MMRN2: variants seen among roughly 807,000 people sequenced by gnomAD.
MMRN2 encodes the protein multimerin 2, also known as multimerin-2.
MMRN2 carries 53 observed loss-of-function variants against 68.8 expected under a neutral mutation model. The ratio of observed to expected loss-of-function variants is 0.77; its 90% CI spans 0.62 to 0.97. The LOEUF (loss-of-function observed/expected upper bound fraction) is 0.97. MMRN2 is among the 50% of genes least tolerant of loss of function. MMRN2 has a pLI of 0.00. For synonymous variants in MMRN2, 564 were observed against 551.6 expected (o/e 1.02, Z -0.32); for missense variants, 1,266 against 1,259.5 (o/e 1.01, Z -0.08).
In MMRN2 at chr10:86,943,346, C is replaced by T. The variant is rs1171699857; in HGVS notation, c.1438G>A (p.Gly480Ser). ...TACTTGATGAGGTCGGCATGGCCAC[C>T]CTGCAGGTGCTGCAGCGTGAGGTTG... is the stretch of plus-strand genomic sequence containing the variant. ...ELNLTLQHLQ[G>S]GHADLIKYVK... is the part of the protein sequence containing the mutation. Residue 480 changes from glycine (G) to serine (S), a missense_variant, in exon 6 of 7, where the codon GGT (glycine) becomes AGT (serine). Coordinates refer to ENST00000372027, the MANE Select transcript of MMRN2 (RefSeq NM_024756.3). The surrounding 1 kb of genome is among the most constrained non-coding windows in gnomAD (Gnocchi z 4.2). 4 of 1,613,864 alleles carry T rather than the reference C, an allele frequency of 2.5e-6. No individual in the cohort carries two copies. Among genetic ancestry groups the T allele is most frequent in the Non-Finnish European group, 3.4e-6 (4 of 1,180,014 alleles).
intron 1 of MMRN2, among the ~76,000 whole-genome samples, chr10:86,955,429 T>C (rs975461056): frequency 3.3e-5 from 5 of 152,098 alleles, no homozygotes; most frequent in African/African-American, 1.2e-4. Context: ...TCTGAGGACG[T>C]AGTGGTTCTA....
At chr10:86,945,115 AC>A in intron 4 of MMRN2, 72 bp downstream of exon 4, 1 of 1,360,150 alleles carries the variant, frequency 7.4e-7, no homozygotes, top group Non-Finnish European at 1.0e-6. Context: ...CTGCTGTATC[AC>A]AGGAAAAAGG....
intron 6 of MMRN2, 139 bp from the exon 7 acceptor site, chr10:86,937,264 A>G: frequency 1.1e-6 from 1 of 939,074 alleles, no homozygotes; most frequent in Non-Finnish European, 1.5e-6. Flanking sequence ...TATTCCCAAC[A>G]GCAGTGTTAT....
At position 86,936,367 on chromosome 10, in the gene MMRN2, A is replaced by C. The variant is rs1432407064; in HGVS notation, c.*376T>G. 2 of 440,434 alleles carry C rather than the reference A, an allele frequency of 4.5e-6. No homozygotes were observed. Among genetic ancestry groups the C allele is most frequent in the Non-Finnish European group, 8.0e-6 (2 of 250,898 alleles). The allele number at this position is 440,434 out of a possible 1,614,324, so 27.3% of individuals were successfully genotyped here. ...TACGATAAGGGAGAAGAGAAGAGGA[A>C]GCAAGAGAAAAGTTTAAAGTGTTGT... is the stretch of plus-strand genomic sequence containing the variant. On this transcript the variant is annotated 3_prime_UTR_variant, in exon 7 of 7. Coordinates refer to ENST00000372027, the MANE Select transcript of MMRN2 (RefSeq NM_024756.3).
At position 86,944,038 on chromosome 10, in the gene MMRN2, T is replaced by A; in HGVS notation, c.746A>T (p.Asn249Ile). 4 of 1,614,062 alleles carry A rather than the reference T, an allele frequency of 2.5e-6. No individual in the cohort carries two copies. In the East Asian group the frequency reaches 8.9e-5, roughly 36 times the overall value. Reference sequence around the variant, plus strand: ...CTGGGTAAGGCTGTGCAGGCTTTGGTTAAAGCTCCTCCAGATGGGGCTGAA... The same window carrying A: ...CTGGGTAAGGCTGTGCAGGCTTTGGATAAAGCTCCTCCAGATGGGGCTGAA... ...VHFSPIWRSF[N>I]QSLHSLTQAI... Residue 249 changes from asparagine to isoleucine, a missense_variant, in exon 6 of 7, where the codon AAC becomes ATC. Physicochemically the swap from Asn to Ile is moderately radical, Grantham distance 149. Transcript: ENST00000372027.
chr10:86,953,397 T>G (rs1844169800), intron 1 of MMRN2, among the ~76,000 whole-genome samples: 1 of 152,194 alleles, frequency 6.6e-6, no homozygotes, highest in African/African-American at 2.4e-5. Context: ...AGTATTAATT[T>G]TGGGAACTGA....
In MMRN2 at chr10:86,942,540, C is replaced by T; in HGVS notation, c.2244G>A (p.Gln748=). 1 of 1,613,630 alleles carries T rather than the reference C, an allele frequency of 6.2e-7. No individual in the cohort carries two copies. Among genetic ancestry groups the T allele is most frequent in the African/African-American group, 1.3e-5 (1 of 75,078 alleles). The part of the protein sequence containing the change: ...FATQRSLEQH[Q]RLFHSLFGNF... ...TCCCAAAGAGGCTGTGGAAGAGCCG[C>T]TGGTGCTGCTCCAAGCTGCGCTGAG... The change falls in exon 6 of 7, where the codon CAG becomes CAA. Residue 748 remains glutamine, a synonymous_variant. Coordinates refer to ENST00000372027, the MANE Select transcript of MMRN2 (RefSeq NM_024756.3).
chr10:86,946,110 C>G (rs1052670828), intron 1 of MMRN2, among the ~76,000 whole-genome samples: 1 of 152,268 alleles, frequency 6.6e-6, no homozygotes, highest in Non-Finnish European at 1.5e-5. Context: ...GCTGTTTCTC[C>G]TGCTACCAAC....
rs1464663498 is a variant in MMRN2 at position 86,940,460 on chromosome 10, G to A, written c.2467+1857C>T. On this transcript the variant is annotated intron_variant, in intron 6 of 6. Transcript: ENST00000372027. ...GAAACAAGAGAGAAGTGTCAGTGTC[G>A]GTGGACACAACCTGAACCCTGAAAA... Among the ~76,000 whole-genome samples, 5 of 152,164 alleles carry A rather than the reference G, an allele frequency of 3.3e-5. No individual in the cohort carries two copies. In the East Asian group the frequency reaches 5.8e-4, roughly 18 times the overall value.
chr10:86,942,377 C>A lies in MMRN2; in HGVS notation c.2407G>T (p.Val803Leu). ...KRDKKEAEPLVDIRVTGPVPG... is the reference protein window; with the variant it reads ...KRDKKEAEPLLDIRVTGPVPG... ...ACAGGCCCTGTGACCCGTATGTCCA[C>A]CAAAGGCTCCGCTTCCTTCTTGTCC... The change falls in exon 6 of 7, where the codon GTG becomes TTG. Residue 803 changes from valine to leucine, a missense_variant. Transcript: ENST00000372027. 6.2e-7 allele frequency: 1 copy of A among 1,614,190 alleles called. No homozygotes were observed. Among genetic ancestry groups the A allele is most frequent in the East Asian group, 2.2e-5 (1 of 44,876 alleles).
chr10:86,937,637 G>A (rs1232420152), intron 6 of MMRN2, among the ~76,000 whole-genome samples: 8 of 152,112 alleles, frequency 5.3e-5, no homozygotes, highest in Admixed American at 5.2e-4. Context: ...TTGAGAGACA[G>A]TATCCCTGAT....
rs200264249 is a variant in MMRN2 at position 86,943,564 on chromosome 10, C to T, written c.1220G>A (p.Arg407Gln). 5 of 1,614,162 alleles carry T rather than the reference C, an allele frequency of 3.1e-6. No homozygotes were observed. The highest frequency in any genetic ancestry group is 4.5e-5 in the East Asian group (2 of 44,868). ...CAGTTCCTTGATCTCATCCACGTGC[C>T]GGGTCAGGGTGGCCCTCATGTCCTC... ...TLEDMRATLT[R>Q]HVDEIKELYS... The change falls in exon 6 of 7, where the codon CGG becomes CAG. Residue 407 changes from arginine (R) to glutamine (Q), a missense_variant. Physicochemically the swap from Arg to Gln is conservative, Grantham distance 43 (BLOSUM62 1). Transcript: ENST00000372027. This position sits in a 1 kb window ranked among gnomAD's most constrained non-coding sequence, Gnocchi z 4.2.
chr10:86,951,036 C>T (rs1178470674), intron 1 of MMRN2, among the ~76,000 whole-genome samples: 1 of 151,864 alleles, frequency 6.6e-6, no homozygotes, highest in African/African-American at 2.4e-5. Flanking sequence ...TGCAGTGAGC[C>T]AAGATCACGC....
intron 1 of MMRN2, among the ~76,000 whole-genome samples, chr10:86,947,792 G>T (rs1441906655): frequency 6.6e-6 from 1 of 152,154 alleles, no homozygotes; most frequent in Non-Finnish European, 1.5e-5. Flanking sequence ...GCTGACAGCA[G>T]GGGTTCTCCC....
At position 86,939,160 on chromosome 10, in the gene MMRN2, C is replaced by CAAA. The variant is rs71019439; in HGVS notation, c.2468-2038_2468-2036dup. On this transcript the variant is annotated intron_variant, in intron 6 of 6. Coordinates refer to ENST00000372027, the MANE Select transcript of MMRN2 (RefSeq NM_024756.3). ...CTGGGCAACGAGAGTGAAACTCCGTCAAAAAAAAAAAAAAAAAAAAATGCC... is the reference window on the plus strand; with the variant it reads ...CTGGGCAACGAGAGTGAAACTCCGTCAAAAAAAAAAAAAAAAAAAAAAAATGCC... Among the ~76,000 whole-genome samples, 95 of 96,498 alleles carry CAAA rather than the reference C, an allele frequency of 9.8e-4. 1 individual carries two copies. Among genetic ancestry groups the CAAA allele is most frequent in the African/African-American group, 3.9e-3 (91 of 23,492 alleles). 63.3% of individuals were successfully genotyped at this position (96,498 alleles called of 152,430 possible).
rs2133677913 is a variant in MMRN2, at chr10:86,942,617, C to T, written c.2167G>A (p.Ala723Thr). The T allele has an allele frequency of 1.2e-6, 2 of 1,603,536 alleles. No individual in the cohort carries two copies. The highest frequency in any genetic ancestry group is 8.5e-7 in the Non-Finnish European group (1 of 1,178,702). The change falls in exon 6 of 7, where the codon GCC (alanine) becomes ACC (threonine). Residue 723 changes from alanine to threonine, a missense_variant. Transcript: ENST00000372027. ...RCCEAEAGAG[A>T]ASLNASLHGL... is the part of the protein sequence containing the mutation. ...TGAAGGGAGGCGTTGAGGGAGGCGG[C>T]CCCGGCCCCGGCCTCGGCCTCGCAG... is the stretch of plus-strand genomic sequence containing the variant.
At chr10:86,945,824 C>A in intron 1 of MMRN2, 135 bp from the exon 2 acceptor site, 1 of 1,497,760 alleles carries the variant, frequency 6.7e-7, no homozygotes, top group Non-Finnish European at 8.9e-7. Context: ...GAGAAGAGAG[C>A]CTTCCGCATT....
chr10:86,954,554 G>A (rs149741667), intron 1 of MMRN2, among the ~76,000 whole-genome samples: 1 of 152,280 alleles, frequency 6.6e-6, no homozygotes, highest in African/African-American at 2.4e-5. Flanking sequence ...GCCAGGAAAC[G>A]CCCTCCCAGG....
At chr10:86,937,360 A>C (rs552100841) in intron 6 of MMRN2, among the ~76,000 whole-genome samples, 1 of 152,102 alleles carries the variant, frequency 6.6e-6, no homozygotes, top group Non-Finnish European at 1.5e-5. Context: ...GCTGGTGTAC[A>C]TTTTAACAAA....
Sources: allele counts gnomAD v4.1 joint callset (sites outside exome capture counted in the v4.1 genomes callset), GRCh38; gene constraint gnomAD v4.1.1; non-coding constraint Gnocchi (gnomAD v3.1); transcripts MANE v1.5; gene names NCBI Gene and HGNC (gene_info 2026-07-23, HGNC 2026-07-21).